STRADB: variants seen among roughly 807,000 people sequenced by gnomAD.
The protein encoded by STRADB is STE20 related adaptor beta, also known as STE20-related kinase adapter protein beta.
In STRADB, 34 loss-of-function variants were observed where a neutral mutation model predicts 52.1. That is an observed-to-expected ratio of 0.65 (90% CI 0.50 to 0.87). STRADB has a LOEUF of 0.87. Ranked by LOEUF, STRADB falls within the 40% of genes least tolerant of loss-of-function variation. The pLI, the probability that STRADB is intolerant of heterozygous loss-of-function variation, is 0.00. For missense variants in STRADB, 340 were observed against 483.9 expected (o/e 0.70, Z 2.79); for synonymous variants, 133 against 174.5 (o/e 0.76, Z 1.87).
Position 201,460,706 on chromosome 2 carries a change from T to G in STRADB, c.93+1842T>G, listed in dbSNP as rs1398426637. The G allele has an allele frequency of 6.0e-5, 13 of 217,028 alleles. No homozygotes were observed. The East Asian group carries it at 1.5e-3, about 25-fold the overall frequency. 13.4% of individuals were successfully genotyped at this position (217,028 alleles called of 1,614,324 possible). On this transcript the variant is annotated intron_variant, in intron 3 of 11. Transcript: ENST00000194530. Reference sequence around the variant, plus strand: ...CAAATGGTAGTATCTCATTCTTTTTTGTGGCTAAATAGTATTCCATTGTAC... The same window carrying G: ...CAAATGGTAGTATCTCATTCTTTTTGGTGGCTAAATAGTATTCCATTGTAC...
At chr2:201,458,722 A>G (rs2125672584) in intron 2 of STRADB, 62 bp from the exon 3 acceptor site, 6 of 1,480,240 alleles carry the variant, frequency 4.1e-6, no homozygotes, top group South Asian at 1.2e-5. Context: ...TTGTATCTAC[A>G]TACCACCCCT....
intron 3 of STRADB, among the ~76,000 whole-genome samples, chr2:201,467,227 G>A (rs998361898): frequency 1.3e-5 from 2 of 152,238 alleles, no homozygotes; most frequent in South Asian, 2.1e-4. Flanking sequence ...GCAGTTTAAT[G>A]TATAATGGAG....
At position 201,475,681 on chromosome 2, in the gene STRADB, A is replaced by G. The variant is rs756037325; in HGVS notation, c.487A>G (p.Asn163Asp). Residue 163 changes from asparagine to aspartate, a missense_variant, in exon 7 of 12, where the codon AAC becomes GAC. Transcript: ENST00000194530. ...PEGMSETLIRNILFGAVRGLN... is the reference protein window; with the variant it reads ...PEGMSETLIRDILFGAVRGLN... Reference sequence around the variant, plus strand: ...AGGAATGAGTGAAACTTTAATAAGAAACATTCTCTTTGGAGCCGTGAGAGG... The same window carrying G: ...AGGAATGAGTGAAACTTTAATAAGAGACATTCTCTTTGGAGCCGTGAGAGG... 6.2e-6 allele frequency: 10 copies of G among 1,612,202 alleles called. No homozygotes were observed. The highest frequency in any genetic ancestry group is 2.5e-6 in the Non-Finnish European group (3 of 1,179,934).
intron 3 of STRADB, among the ~76,000 whole-genome samples, chr2:201,462,741 T>G (rs1381402649): frequency 6.6e-6 from 1 of 152,242 alleles, no homozygotes; most frequent in African/African-American, 2.4e-5. Flanking sequence ...TCTTGTACTA[T>G]TTTGAAAAGG....
intron 3 of STRADB, among the ~76,000 whole-genome samples, chr2:201,463,523 T>C (rs568318908): frequency 3.3e-5 from 5 of 152,274 alleles, no homozygotes; most frequent in African/African-American, 9.6e-5. Context: ...TTGTTAAATG[T>C]CTTTTTTGGG....
chr2:201,476,467 CTCTGT>C (rs1442776706), intron 7 of STRADB, among the ~76,000 whole-genome samples: 2 of 151,384 alleles, frequency 1.3e-5, no homozygotes, highest in Non-Finnish European at 2.9e-5. Context: ...GGCCATCCTC[CTCTGT>C]TAAGTTTCTA....
intron 3 of STRADB, among the ~76,000 whole-genome samples, chr2:201,465,121 C>G (rs1423310121): frequency 6.6e-6 from 1 of 152,062 alleles, no homozygotes; most frequent in East Asian, 1.9e-4. Flanking sequence ...AGCTGCAAGA[C>G]CAAGCCCCCT....
chr2:201,452,213 C>G (rs1158730852), intron 1 of STRADB, among the ~76,000 whole-genome samples: 1 of 151,940 alleles, frequency 6.6e-6, no homozygotes, highest in Non-Finnish European at 1.5e-5. Context: ...CCGTGCCGGC[C>G]GTGCCAGGTG....
chr2:201,471,028 C>T (rs370354698), intron 4 of STRADB, among the ~76,000 whole-genome samples: 26 of 152,246 alleles, frequency 1.7e-4, no homozygotes, highest in African/African-American at 6.3e-4. Flanking sequence ...ATAGCTCTGA[C>T]GACTGCTGCT....
At chr2:201,452,538 G>A (rs541710315) in intron 1 of STRADB, among the ~76,000 whole-genome samples, 31 of 152,322 alleles carry the variant, frequency 2.0e-4, no homozygotes, top group Non-Finnish European at 3.8e-4. Flanking sequence ...ACGGTGCCTG[G>A]CACCCAGTAG....
intron 5 of STRADB, among the ~76,000 whole-genome samples, chr2:201,473,377 G>A (rs760847024): frequency 6.6e-6 from 1 of 152,152 alleles, no homozygotes; most frequent in Non-Finnish European, 1.5e-5. Context: ...ATGGGGTGGT[G>A]TGTAGGAGGC....
chr2:201,456,501 G>A (rs1013604611), intron 2 of STRADB, among the ~76,000 whole-genome samples: 3 of 152,110 alleles, frequency 2.0e-5, no homozygotes, highest in African/African-American at 7.2e-5. Context: ...GATTTATATC[G>A]TTAATGATTG....
intron 3 of STRADB, among the ~76,000 whole-genome samples, chr2:201,468,985 T>C (rs1230799507): frequency 6.6e-6 from 1 of 152,222 alleles, no homozygotes; most frequent in Non-Finnish European, 1.5e-5. Context: ...TAGAATTTCT[T>C]TTTACATTCT....
intron 2 of STRADB, among the ~76,000 whole-genome samples, chr2:201,455,703 CAA>C (rs746723266): frequency 2.3e-5 from 3 of 132,410 alleles, no homozygotes; most frequent in Non-Finnish European, 1.6e-5. Flanking sequence ...GATCCTGTCT[CAA>C]AAAAAAAAAA....
intron 5 of STRADB, 55 bp downstream of exon 5, chr2:201,473,131 C>T (rs1952417658): frequency 6.6e-7 from 1 of 1,505,508 alleles, no homozygotes; most frequent in Non-Finnish European, 8.9e-7. Flanking sequence ...ACTGGTTCCA[C>T]ATCTGCAGAT....
At chr2:201,453,141 T>C (rs1952075539) in intron 1 of STRADB, among the ~76,000 whole-genome samples, 1 of 151,762 alleles carries the variant, frequency 6.6e-6, no homozygotes, top group Admixed American at 6.6e-5. Flanking sequence ...ATCTCTGAGA[T>C]TAAACCACCC....
At chr2:201,464,194 A>C (rs1375847481) in intron 3 of STRADB, among the ~76,000 whole-genome samples, 2 of 152,134 alleles carry the variant, frequency 1.3e-5, no homozygotes, top group African/African-American at 4.8e-5. Flanking sequence ...ATAGTCTTTG[A>C]AGGCTGAACT....
intron 3 of STRADB, among the ~76,000 whole-genome samples, chr2:201,469,672 C>T (rs1191402449): frequency 2.0e-5 from 3 of 152,172 alleles, no homozygotes; most frequent in African/African-American, 7.2e-5. Context: ...TAACATTCTT[C>T]GCAACTCCTA....
At position 201,458,810 on chromosome 2, in the gene STRADB, A is replaced by C. The variant is rs1172298411; in HGVS notation, c.39A>C (p.Gln13His). The change falls in exon 3 of 12, where the codon CAA becomes CAC. Residue 13 changes from glutamine (Q) to histidine (H), a missense_variant. Transcript: ENST00000194530. ...ATTGCTTCTGCACTTCAAGAACACA[A>C]GTTGAATCACTCAGACCTGAAAAAC... Reference protein sequence around the residue: ...LLDCFCTSRTQVESLRPEKQS... With the variant: ...LLDCFCTSRTHVESLRPEKQS... The C allele has an allele frequency of 6.2e-7, 1 of 1,613,982 alleles. No individual in the cohort carries two copies. The highest frequency in any genetic ancestry group is 2.2e-5 in the East Asian group (1 of 44,870).
Sources: allele counts gnomAD v4.1 joint callset (sites outside exome capture counted in the v4.1 genomes callset), GRCh38; gene constraint gnomAD v4.1.1; transcripts MANE v1.5; gene names NCBI Gene and HGNC (gene_info 2026-07-23, HGNC 2026-07-21).